The following CROCC2 variants were observed in gnomAD, a reference collection of about 807,000 sequenced individuals.
The protein encoded by CROCC2 is ciliary rootlet coiled-coil, rootletin family member 2, also known as ciliary rootlet coiled-coil protein 2.
In CROCC2, 163 loss-of-function variants were observed where a neutral mutation model predicts 177.6. That is an observed-to-expected ratio of 0.92 (90% CI 0.81 to 1.05). The LOEUF is 1.05. Ranked by LOEUF, CROCC2 falls within the 50% of genes least tolerant of loss-of-function variation. CROCC2 has a pLI of 0.00. For missense variants in CROCC2, 1,929 were observed against 1,797.8 expected (o/e 1.07, Z -1.32); for synonymous variants, 904 against 787.3 (o/e 1.15, Z -2.48).
rs748250797 is a variant in CROCC2, at chr2:240,959,414, A to C, written c.3057A>C (p.Leu1019=). ...CCCTACGCGAGAGCCTCCAGGACCTAGCGGCTGAGCGGGGCGATGTGGAGA... is the reference window on the plus strand; with the variant it reads ...CCCTACGCGAGAGCCTCCAGGACCTCGCGGCTGAGCGGGGCGATGTGGAGA... ...TTALRESLQD[L]AAERGDVERE... Residue 1019 remains leucine, a synonymous_variant, in exon 20 of 32, where the codon CTA becomes CTC. Transcript: ENST00000690015. 1.3e-6 allele frequency: 2 copies of C among 1,550,350 alleles called. No individual in the cohort carries two copies. The highest frequency in any genetic ancestry group is 1.2e-5 in the South Asian group (1 of 84,028).
chr2:240,965,859 T>C lies in CROCC2; in HGVS notation c.3827T>C (p.Leu1276Pro). 6.9e-7 allele frequency: 1 copy of C among 1,446,750 alleles called. No individual in the cohort carries two copies. The highest frequency in any genetic ancestry group is 9.1e-7 in the Non-Finnish European group (1 of 1,097,194). The allele number at this position is 1,446,750 out of a possible 1,614,324, so 89.6% of individuals were successfully genotyped here. ...CHRIHSLEQE[L>P]AQAEGARQDA... Reference sequence around the variant, plus strand: ...CGAATCCACAGCCTGGAGCAGGAGCTGGCCCAGGCTGAGGGTGCAAGGCAG... The same window carrying C: ...CGAATCCACAGCCTGGAGCAGGAGCCGGCCCAGGCTGAGGGTGCAAGGCAG... The change falls in exon 24 of 32, where the codon CTG becomes CCG. Residue 1276 changes from leucine (L) to proline (P), a missense_variant. By Grantham distance (98) the Leu-to-Pro change is moderately conservative. Transcript: ENST00000690015.
chr2:240,967,797 C>T (rs2106481471), intron 26 of CROCC2, among the ~76,000 whole-genome samples: 1 of 152,228 alleles, frequency 6.6e-6, no homozygotes, highest in South Asian at 2.1e-4. Context: ...GTGCCCTCTG[C>T]CTGGCACCCT....
chr2:240,988,745 C>G lies in CROCC2; in HGVS notation c.4558C>G (p.Gln1520Glu). The change falls in exon 29 of 32, where the codon CAA becomes GAA. Residue 1520 changes from glutamine to glutamate, a missense_variant. Physicochemically the swap from Gln to Glu is conservative, Grantham distance 29 (BLOSUM62 2). Transcript: ENST00000690015. Reference sequence around the variant, plus strand: ...CCTCCTGGGATCTCTGCAGATGGAGCAAGAGACACTGAAGAGGGAGGAGGA... The same window carrying G: ...CCTCCTGGGATCTCTGCAGATGGAGGAAGAGACACTGAAGAGGGAGGAGGA... ...VSLEPLRQME[Q>E]ETLKREEDVA... 1 of 1,458,836 alleles carries G rather than the reference C, an allele frequency of 6.9e-7. No homozygotes were observed. Among genetic ancestry groups the G allele is most frequent in the South Asian group, 1.4e-5 (1 of 69,334 alleles). The allele number at this position is 1,458,836 out of a possible 1,614,324, so 90.4% of individuals were successfully genotyped here.
Position 240,918,850 on chromosome 2 carries a change from G to A in CROCC2, c.203G>A (p.Gly68Asp). The change falls in exon 2 of 32, where the codon GGC (glycine) becomes GAC (aspartate). Residue 68 changes from glycine to aspartate, a missense_variant. Transcript: ENST00000690015. This position sits in a 1 kb window ranked among gnomAD's most constrained non-coding sequence, Gnocchi z 6.3. ...ACCCGCATCCGTGAGATCGTGGCCG[G>A]CAGCCTGAGTGAGGAGCCACCCCAA... ...VPTRIREIVA[G>D]SLSEEPPQAG... 1.5e-6 allele frequency: 1 copy of A among 661,126 alleles called. No individual in the cohort carries two copies. Among genetic ancestry groups the A allele is most frequent in the Non-Finnish European group, 2.8e-6 (1 of 358,304 alleles). The allele number at this position is 661,126 out of a possible 1,614,324, so 41.0% of individuals were successfully genotyped here. A position where few individuals can be genotyped will look rare whatever the true frequency, so the allele number is the denominator to read the frequency against.
intron 14 of CROCC2, among the ~76,000 whole-genome samples, chr2:240,941,635 G>T (rs1411546594): frequency 1.3e-5 from 2 of 152,182 alleles, no homozygotes; most frequent in Non-Finnish European, 1.5e-5. Context: ...ACATGTAGAA[G>T]AATGAAACTG....
At position 240,925,831 on chromosome 2, in the gene CROCC2, T is replaced by G. The variant is rs1265290585; in HGVS notation, c.596T>G (p.Val199Gly). ...GAGCTGGCCGGGATGACGGGCAGCG[T>G]GCAGCGCCTGCAGGGCGAGCTGGAG... The part of the protein sequence containing the change: ...GRELAGMTGS[V>G]QRLQGELELR... Residue 199 changes from valine (V) to glycine (G), a missense_variant, in exon 5 of 32, where the codon GTG (valine) becomes GGG (glycine). By Grantham distance (109) the Val-to-Gly change is moderately radical. Coordinates refer to ENST00000690015, the MANE Select transcript of CROCC2 (RefSeq NM_001351305.2). 3 of 716,170 alleles carry G rather than the reference T, an allele frequency of 4.2e-6. No homozygotes were observed. Among genetic ancestry groups the G allele is most frequent in the Non-Finnish European group, 5.2e-6 (2 of 384,792 alleles). 44.4% of individuals were successfully genotyped at this position (716,170 alleles called of 1,614,324 possible).
intron 3 of CROCC2, 43 bp from the exon 4 acceptor site, chr2:240,922,496 G>A: frequency 1.5e-6 from 1 of 672,922 alleles, no homozygotes; most frequent in African/African-American, 1.8e-5. Context: ...TGCCTGGCGG[G>A]TTCAGGAGCA....
chr2:240,959,209 AAC>A, intron 19 of CROCC2, 90 bp from the exon 20 acceptor site: 1 of 1,404,830 alleles, frequency 7.1e-7, no homozygotes, highest in Non-Finnish European at 9.4e-7. Context: ...AGGCCACTGC[AAC>A]ACCTCTCTCT....
At chr2:240,946,367 G>C in intron 15 of CROCC2, 114 bp downstream of exon 15, 1 of 1,093,318 alleles carries the variant, frequency 9.1e-7, no homozygotes, top group Non-Finnish European at 1.3e-6. Context: ...GGGAGGGAGC[G>C]TGTGCCCATG....
At chr2:240,992,962 G>A (rs1350336719) in intron 31 of CROCC2, 104 bp from the exon 32 acceptor site, 2 of 670,114 alleles carry the variant, frequency 3.0e-6, no homozygotes, top group Admixed American at 4.4e-5. Context: ...GTTCCCAGTT[G>A]TGGGCAGGAG....
At chr2:240,990,333 C>T (rs1241643420) in intron 30 of CROCC2, among the ~76,000 whole-genome samples, 1 of 152,214 alleles carries the variant, frequency 6.6e-6, no homozygotes, top group East Asian at 1.9e-4. Flanking sequence ...GTGTGCACTG[C>T]ACACCCACAC....
chr2:240,946,019 C>A (rs1012944158), intron 14 of CROCC2, 41 bp from the exon 15 acceptor site: 1 of 1,435,940 alleles, frequency 7.0e-7, no homozygotes, highest in African/African-American at 1.4e-5. Flanking sequence ...CACCCACTTA[C>A]TCTCTTTCTC....
At chr2:240,933,417 C>A in intron 10 of CROCC2, 75 bp downstream of exon 10, 1 of 1,374,098 alleles carries the variant, frequency 7.3e-7, no homozygotes, top group Non-Finnish European at 9.6e-7. Flanking sequence ...GCTGTCAGGA[C>A]AAGCACCTCT....
At chr2:240,966,548 C>CACCATGTGTGTGATA (rs760255398) in intron 25 of CROCC2, 139 bp downstream of exon 25, 2 of 397,208 alleles carry the variant, frequency 5.0e-6, no homozygotes. Flanking sequence ...TGATAAACAC[C>CACCATGTGTGTGATA]AGCACCACCA....
At chr2:240,948,045 G>C (rs917582938) in intron 15 of CROCC2, among the ~76,000 whole-genome samples, 4 of 152,194 alleles carry the variant, frequency 2.6e-5, no homozygotes, top group African/African-American at 9.7e-5. Flanking sequence ...GCCTCTAGGA[G>C]GAGGGGTTTC....
chr2:240,948,093 G>C (rs1053513845), intron 15 of CROCC2, among the ~76,000 whole-genome samples: 1 of 152,164 alleles, frequency 6.6e-6, no homozygotes, highest in Non-Finnish European at 1.5e-5. Context: ...ACACGCAGAA[G>C]GGGGAAGAGC....
chr2:240,950,428 G>A lies in CROCC2; in HGVS notation c.2747G>A (p.Arg916Lys). The change falls in exon 18 of 32, where the codon AGG becomes AAG. Residue 916 changes from arginine (R) to lysine (K), a missense_variant. Arg to Lys is a conservative substitution (Grantham distance 26). Coordinates refer to ENST00000690015, the MANE Select transcript of CROCC2 (RefSeq NM_001351305.2). ...KELVTKSAAE[R>K]EALKGEIQSL... ...CTGGTGACAAAAAGTGCAGCTGAGAGGGAGGCTCTGAAGGGGGAAATTCAG... is the reference window on the plus strand; with the variant it reads ...CTGGTGACAAAAAGTGCAGCTGAGAAGGAGGCTCTGAAGGGGGAAATTCAG... The A allele has an allele frequency of 1.3e-6, 2 of 1,550,340 alleles. No individual in the cohort carries two copies. Among genetic ancestry groups the A allele is most frequent in the Non-Finnish European group, 1.7e-6 (2 of 1,146,846 alleles).
chr2:240,910,631 G>A (rs78656091), intron 1 of CROCC2, among the ~76,000 whole-genome samples: 3 of 152,206 alleles, frequency 2.0e-5, no homozygotes, highest in East Asian at 1.9e-4. Flanking sequence ...TGGTTGCCCC[G>A]AAGTGGCATC....
intron 27 of CROCC2, among the ~76,000 whole-genome samples, chr2:240,974,126 C>T (rs2059742544): frequency 6.6e-6 from 1 of 152,222 alleles, no homozygotes; most frequent in Admixed American, 6.5e-5. Context: ...TCAGCAGTTA[C>T]ACCTGCTTTA....
Sources: gnomAD v4.1 joint callset for allele counts (sites outside exome capture counted in the v4.1 genomes callset) on GRCh38, gnomAD v4.1.1 for gene constraint, Gnocchi (gnomAD v3.1) non-coding constraint, MANE v1.5 for transcripts, NCBI Gene and HGNC (gene_info 2026-07-23, HGNC 2026-07-21) for gene names.